SP110: variants seen among roughly 807,000 people sequenced by gnomAD.
SP110 encodes interferon-induced protein 41, 30kD.
SP110 carries 62 observed loss-of-function variants against 92.7 expected under a neutral mutation model. That is an observed-to-expected ratio of 0.67 (90% confidence interval 0.55 to 0.83). The LOEUF is 0.83. Among genes scored for constraint, SP110 ranks in the 40% least tolerant of loss-of-function variants. SP110 has a pLI of 0.00. For synonymous variants in SP110, 273 were observed against 305.3 expected (o/e 0.89, Z 1.10); for missense variants, 793 against 863.9 (o/e 0.92, Z 1.03).
In SP110 at chr2:230,171,702, T is replaced by C. The variant is rs547715275; in HGVS notation, c.1881A>G (p.Pro627=). ...ACCGTAAAATGTGACTTACATTAAA[T>C]GGGATGCCCGTAAAAAAGGAGCTTT... ...HPQSSFFTGI[P]FNIRDYGEPF... Residue 627 remains proline (P), a synonymous_variant, in exon 17 of 19, where the codon CCA becomes CCG. Transcript: ENST00000258381. 6.2e-7 allele frequency: 1 copy of C among 1,612,146 alleles called. No individual in the cohort carries two copies. Among genetic ancestry groups the C allele is most frequent in the African/African-American group, 1.3e-5 (1 of 75,022 alleles).
At chr2:230,213,967 C>T (rs556520072) in intron 3 of SP110, 2 of 152,354 alleles carry the variant, frequency 1.3e-5, no homozygotes, top group African/African-American at 4.8e-5. Context: ...AGGGGGAAGC[C>T]TTTTGATGGT....
intron 12 of SP110, among the ~76,000 whole-genome samples, chr2:230,182,935 C>T (rs1320070244): frequency 1.3e-5 from 2 of 152,158 alleles, no homozygotes; most frequent in Non-Finnish European, 2.9e-5. Flanking sequence ...TTCTTGTAGA[C>T]CTGCCAAGCA....
intron 10 of SP110, 32 bp from the exon 11 acceptor site, chr2:230,186,175 G>T (rs920570936): frequency 2.7e-5 from 44 of 1,611,714 alleles, no homozygotes; most frequent in Admixed American, 1.7e-4. Flanking sequence ...ATAGTTTAGT[G>T]AGCTCCCTTC....
chr2:230,215,665 G>C (rs1300019692), intron 2 of SP110, among the ~76,000 whole-genome samples: 1 of 152,214 alleles, frequency 6.6e-6, no homozygotes, highest in Non-Finnish European at 1.5e-5. Context: ...AGAGAGAACT[G>C]ATTGCAAATA....
chr2:230,200,823 G>T, intron 10 of SP110, 62 bp downstream of exon 10: 1 of 1,244,508 alleles, frequency 8.0e-7, no homozygotes, highest in Non-Finnish European at 1.2e-6. Flanking sequence ...CTCAGTGTAA[G>T]ACAGCTCTGA....
intron 18 of SP110, among the ~76,000 whole-genome samples, chr2:230,170,026 A>G (rs2078392092): frequency 6.6e-6 from 1 of 152,102 alleles, no homozygotes; most frequent in South Asian, 2.1e-4. Flanking sequence ...TTCCTTAGGT[A>G]CCTCCCAAGA....
intron 17 of SP110, among the ~76,000 whole-genome samples, chr2:230,171,150 T>A (rs1292429865): frequency 6.6e-6 from 1 of 152,186 alleles, no homozygotes; most frequent in East Asian, 1.9e-4. Flanking sequence ...TGGAGTGCAG[T>A]GGTGCGATCT....
chr2:230,196,651 C>T (rs918648401), intron 10 of SP110, among the ~76,000 whole-genome samples: 1 of 151,940 alleles, frequency 6.6e-6, no homozygotes, highest in Non-Finnish European at 1.5e-5. Context: ...ATTAACTCGT[C>T]ATTTAGCATT....
At chr2:230,221,498 G>T (rs1181788618), upstream of SP110, among the ~76,000 whole-genome samples, 1 of 152,114 alleles carries the variant, frequency 6.6e-6, no homozygotes, top group Non-Finnish European at 1.5e-5. Flanking sequence ...ACCCTAGTAT[G>T]TACAGAATAG....
Position 230,210,078 on chromosome 2 carries a change from G to A in SP110, c.752-70C>T. The A allele has an allele frequency of 3.3e-6, 3 of 920,970 alleles. No individual in the cohort carries two copies. The Admixed American group carries it at 5.1e-5, about 16-fold the overall frequency. The allele number at this position is 920,970 out of a possible 1,614,324, so 57.0% of individuals were successfully genotyped here. A position where few individuals can be genotyped will look rare whatever the true frequency, so the allele number is the denominator to read the frequency against. ...AGAGAAAGTGCTGAGGGAAGTCAAT[G>A]CAAGAACTAGAAAAGTAGAAAGTAC... On this transcript the variant is annotated intron_variant, in intron 6 of 18. Transcript: ENST00000258381.
intron 12 of SP110, among the ~76,000 whole-genome samples, chr2:230,179,464 GGCC>G (rs2042026925): frequency 6.8e-6 from 1 of 146,964 alleles, no homozygotes; most frequent in African/African-American, 2.5e-5. Context: ...ATGAGAGCGT[GGCC>G]TTGGGAGCCA....
rs1286835328 is a variant in SP110 at position 230,219,969 on chromosome 2, A to C, written c.-97T>G. 4.1e-6 allele frequency: 4 copies of C among 985,522 alleles called. No homozygotes were observed. Among genetic ancestry groups the C allele is most frequent in the Non-Finnish European group, 4.8e-6 (4 of 829,968 alleles). 61.0% of individuals were successfully genotyped at this position (985,522 alleles called of 1,614,324 possible). ...GAGTTACAGGGAGATGCTAGCAGGCAAAACAGGAAGTCTGTGCTTTGACAA... is the reference window on the plus strand; with the variant it reads ...GAGTTACAGGGAGATGCTAGCAGGCCAAACAGGAAGTCTGTGCTTTGACAA... On this transcript the variant is annotated 5_prime_UTR_variant, in exon 1 of 19. Transcript: ENST00000258381.
chr2:230,221,711 C>A (rs1348316622), upstream of SP110: 5 of 1,535,908 alleles, frequency 3.3e-6, no homozygotes, highest in South Asian at 2.4e-5. Context: ...TTACCTGAAG[C>A]CCCTCCCCAT....
At chr2:230,185,792 C>T (rs1181078235) in intron 11 of SP110, among the ~76,000 whole-genome samples, 1 of 152,284 alleles carries the variant, frequency 6.6e-6, no homozygotes, top group East Asian at 1.9e-4. Context: ...CATGGCAAAG[C>T]CAAGGTGAAC....
chr2:230,176,658 T>C, intron 14 of SP110: 1 of 1,613,856 alleles, frequency 6.2e-7, no homozygotes. Flanking sequence ...GAGAGGGTAG[T>C]AGAAATTCAC....
chr2:230,169,646 C>T (rs2078381722), intron 18 of SP110, among the ~76,000 whole-genome samples: 1 of 151,954 alleles, frequency 6.6e-6, no homozygotes, highest in South Asian at 2.1e-4. Flanking sequence ...TTTAGGAGCC[C>T]AGCAGTAAGG....
At chr2:230,202,448 A>C in intron 9 of SP110, 131 bp downstream of exon 9, 1 of 802,122 alleles carries the variant, frequency 1.2e-6, no homozygotes, top group Non-Finnish European at 2.1e-6. Flanking sequence ...CTCTTGTTAT[A>C]CCCCATCCTC....
chr2:230,171,049 A>G, intron 17 of SP110: 1 of 514,130 alleles, frequency 1.9e-6, no homozygotes, highest in South Asian at 2.1e-5. Context: ...CTCAGCAAGA[A>G]AGTGGTAGAG....
Position 230,177,665 on chromosome 2 carries a change from C to T in SP110, c.1463G>A (p.Cys488Tyr). ...CCAAGTTCCATCCTCATTCCGAATGCACTTCACTGAGGATCCTGTAAGAAA... is the reference window on the plus strand; with the variant it reads ...CCAAGTTCCATCCTCATTCCGAATGTACTTCACTGAGGATCCTGTAAGAAA... ...KKMKHGSSVKCIRNEDGTWLT... is the reference protein window; with the variant it reads ...KKMKHGSSVKYIRNEDGTWLT... The change falls in exon 14 of 19, where the codon TGC becomes TAC. Residue 488 changes from cysteine (C) to tyrosine (Y), a missense_variant. By Grantham distance (194) the Cys-to-Tyr change is radical. Transcript: ENST00000258381. The T allele has an allele frequency of 6.2e-7, 1 of 1,614,174 alleles. No homozygotes were observed. Among genetic ancestry groups the T allele is most frequent in the Non-Finnish European group, 8.5e-7 (1 of 1,180,006 alleles).
Sources: gnomAD v4.1 joint callset for allele counts (sites outside exome capture counted in the v4.1 genomes callset) on GRCh38, gnomAD v4.1.1 for gene constraint, MANE v1.5 for transcripts, NCBI Gene and HGNC (gene_info 2026-07-23, HGNC 2026-07-21) for gene names.